Variants in ODR4 observed in about 807,000 individuals in gnomAD.
The protein encoded by ODR4 is protein odr-4 homolog.
Under a neutral mutation model 60.2 loss-of-function variants are expected in ODR4, and 47 were observed. That is an observed-to-expected ratio of 0.78 (90% CI 0.62 to 1.00). The LOEUF is 1.00. Among genes scored for constraint, ODR4 ranks in the 50% least tolerant of loss-of-function variants. The pLI, the probability that ODR4 is intolerant of heterozygous loss-of-function variation, is 0.00. For synonymous variants in ODR4, 178 were observed against 175.5 expected (o/e 1.01, Z -0.11); for missense variants, 488 against 530.8 (o/e 0.92, Z 0.79).
intron 9 of ODR4, among the ~76,000 whole-genome samples, chr1:186,395,065 T>A (rs1281910272): frequency 6.6e-6 from 1 of 152,202 alleles, no homozygotes; most frequent in African/African-American, 2.4e-5. Flanking sequence ...GAGTGGAAGA[T>A]AATCTCATGA....
chr1:186,416,159 C>T (rs892276196), intron 12 of ODR4, among the ~76,000 whole-genome samples: 1 of 151,948 alleles, frequency 6.6e-6, no homozygotes, highest in African/African-American at 2.4e-5. Context: ...AGCCAGAGGC[C>T]CATGTACTGC....
chr1:186,381,633 C>T (rs1345585420), intron 2 of ODR4, among the ~76,000 whole-genome samples: 1 of 151,982 alleles, frequency 6.6e-6, no homozygotes. Context: ...GGCCTAAGGC[C>T]TTCCTTCTAT....
chr1:186,400,045 G>T (rs1329543213), intron 11 of ODR4, among the ~76,000 whole-genome samples: 7 of 130,880 alleles, frequency 5.3e-5, no homozygotes, highest in African/African-American at 2.1e-4. Context: ...AGGCTGGAGT[G>T]CAGTGGCGCG....
intron 11 of ODR4, among the ~76,000 whole-genome samples, chr1:186,403,820 A>T (rs574278495): frequency 6.6e-6 from 1 of 152,260 alleles, no homozygotes; most frequent in African/African-American, 2.4e-5. Flanking sequence ...TCATTGTGAA[A>T]ATGGAGGTCA....
At position 186,401,205 on chromosome 1, in the gene ODR4, A is replaced by G. The variant is rs747803206; in HGVS notation, c.1000+2161A>G. 4 of 1,556,904 alleles carry G rather than the reference A, an allele frequency of 2.6e-6. No individual in the cohort carries two copies. In the East Asian group the frequency reaches 6.9e-5, roughly 27 times the overall value. ...AAATTTTTGCTGATGTTCAATTAGT[A>G]AAATTAATGGCCCCTAACAGCAGTT... is the stretch of plus-strand genomic sequence containing the variant. On this transcript the variant is annotated intron_variant, in intron 11 of 13. Coordinates refer to ENST00000287859, the MANE Select transcript of ODR4 (RefSeq NM_017847.6).
At chr1:186,421,584 G>A (rs758113309), downstream of ODR4, among the ~76,000 whole-genome samples, 1 of 152,038 alleles carries the variant, frequency 6.6e-6, no homozygotes, top group Non-Finnish European at 1.5e-5. Flanking sequence ...ATAGGGGATC[G>A]GCCAGGCACG....
At chr1:186,406,368 A>C (rs1661175024) in intron 12 of ODR4, 100 bp downstream of exon 12, 1 of 869,372 alleles carries the variant, frequency 1.2e-6, no homozygotes, top group African/African-American at 1.7e-5. Context: ...TTTTTTTTAA[A>C]GCTAGTTCTG....
Position 186,419,358 on chromosome 1 carries a change from G to A in ODR4, c.*282G>A, listed in dbSNP as rs1661697949. On this transcript the variant is annotated 3_prime_UTR_variant, in exon 14 of 14. Coordinates refer to ENST00000287859, the MANE Select transcript of ODR4 (RefSeq NM_017847.6). ...CTATTTTTAAAAGCTTCAAAATGAT[G>A]GGATATGATCATAGATTTTAGTCTT... 4 of 405,022 alleles carry A rather than the reference G, an allele frequency of 9.9e-6. No individual in the cohort carries two copies. The highest frequency in any genetic ancestry group is 2.0e-5 in the African/African-American group (1 of 49,356). The allele number at this position is 405,022 out of a possible 1,614,324, so 25.1% of individuals were successfully genotyped here.
chr1:186,379,764 T>A lies in ODR4; in HGVS notation c.-19-3T>A. 1 of 1,415,478 alleles carries A rather than the reference T, an allele frequency of 7.1e-7. No individual in the cohort carries two copies. The highest frequency in any genetic ancestry group is 9.8e-7 in the Non-Finnish European group (1 of 1,023,656). The allele number at this position is 1,415,478 out of a possible 1,614,324, so 87.7% of individuals were successfully genotyped here. ...TGCTGTATCTTTTCTTCTTGTGATATAGGAGATTTTAGTTCCTAAAAATGG... is the reference window on the plus strand; with the variant it reads ...TGCTGTATCTTTTCTTCTTGTGATAAAGGAGATTTTAGTTCCTAAAAATGG... On this transcript the variant is annotated splice_region_variant and splice_polypyrimidine_tract_variant and intron_variant, in intron 1 of 13. Coordinates refer to ENST00000287859, the MANE Select transcript of ODR4 (RefSeq NM_017847.6).
rs1444481711 is a variant in ODR4, at chr1:186,420,787, A to G, written c.*1711A>G. 1 of 152,204 alleles carries G rather than the reference A, an allele frequency of 6.6e-6. No homozygotes were observed. The highest frequency in any genetic ancestry group is 1.5e-5 in the Non-Finnish European group (1 of 68,024). The allele number at this position is 152,204 out of a possible 1,614,324, so 9.4% of individuals were successfully genotyped here. ...GTTCGAGGGAAGAATTATAAAGACT[A>G]GGAGTCCTAGAAAGAGAAAATTTAG... is the stretch of plus-strand genomic sequence containing the variant. On this transcript the variant is annotated 3_prime_UTR_variant, in exon 14 of 14. Coordinates refer to ENST00000287859, the MANE Select transcript of ODR4 (RefSeq NM_017847.6).
chr1:186,399,175 A>C, intron 11 of ODR4, 131 bp downstream of exon 11: 2 of 700,218 alleles, frequency 2.9e-6, no homozygotes, highest in Non-Finnish European at 5.0e-6. Context: ...ATCTTTTATT[A>C]TTGGATGAAA....
At chr1:186,422,390 A>G (rs913734078), downstream of ODR4, among the ~76,000 whole-genome samples, 1 of 152,340 alleles carries the variant, frequency 6.6e-6, no homozygotes, top group South Asian at 2.1e-4. Context: ...GGAGATTTCA[A>G]CAACTAATTA....
downstream of ODR4, among the ~76,000 whole-genome samples, chr1:186,421,966 T>C (rs1307115634): frequency 6.6e-6 from 1 of 151,448 alleles, no homozygotes; most frequent in Non-Finnish European, 1.5e-5. Flanking sequence ...AAAGAAATTA[T>C]GGAGGCGGGT....
Position 186,383,151 on chromosome 1 carries a change from T to TG in ODR4, c.230dup (p.Cys77TrpfsTer27). Reference sequence around the variant, plus strand: ...TGAAGAATGGGCCACAGAACATGCCTGCCAGGTTATCTTATTTTTTTGTTT... The same window carrying TG: ...TGAAGAATGGGCCACAGAACATGCCTGGCCAGGTTATCTTATTTTTTTGTTT... On this transcript the variant is annotated frameshift_variant, in exon 3 of 14. Coordinates refer to ENST00000287859, the MANE Select transcript of ODR4 (RefSeq NM_017847.6). LOFTEE classifies it high-confidence loss of function. The TG allele has an allele frequency of 6.5e-7, 1 of 1,542,354 alleles. No homozygotes were observed. Among genetic ancestry groups the TG allele is most frequent in the South Asian group, 1.2e-5 (1 of 81,600 alleles).
At chr1:186,396,719 T>TGA (rs1660692587) in intron 9 of ODR4, among the ~76,000 whole-genome samples, 1 of 99,644 alleles carries the variant, frequency 1.0e-5, no homozygotes, top group Non-Finnish European at 2.0e-5. Flanking sequence ...AATGCCATAA[T>TGA]TATAGATAGA....
intron 12 of ODR4, chr1:186,411,833 A>T: frequency 1.0e-6 from 1 of 975,282 alleles, no homozygotes; most frequent in Non-Finnish European, 1.2e-6. Flanking sequence ...ATGGATTAAC[A>T]GTAGGAAGAG....
At chr1:186,387,748 G>A (rs1476421542) in intron 4 of ODR4, among the ~76,000 whole-genome samples, 1 of 152,042 alleles carries the variant, frequency 6.6e-6, no homozygotes, top group Non-Finnish European at 1.5e-5. Context: ...ATGTGAATTA[G>A]GTTACAGATT....
chr1:186,411,607 C>G (rs1425436135), intron 12 of ODR4, among the ~76,000 whole-genome samples: 3 of 151,582 alleles, frequency 2.0e-5, no homozygotes, highest in Non-Finnish European at 4.4e-5. Context: ...ATTATTTGTA[C>G]CTTGTGAAAT....
chr1:186,382,249 T>TAAAAAAA (rs1189752791), intron 2 of ODR4, among the ~76,000 whole-genome samples: 1 of 79,952 alleles, frequency 1.3e-5, no homozygotes, highest in Non-Finnish European at 2.5e-5. Context: ...TACAAAAAAG[T>TAAAAAAA]AAAAAAAAAA....
Sources: allele counts gnomAD v4.1 joint callset (sites outside exome capture counted in the v4.1 genomes callset), GRCh38; gene constraint gnomAD v4.1.1; transcripts MANE v1.5; gene names NCBI Gene and HGNC (gene_info 2026-07-23, HGNC 2026-07-21).